The following KHDC1 variants were observed in gnomAD, a reference collection of about 807,000 sequenced individuals.
KHDC1 encodes the protein KH domain containing 1, also known as KH homology domain-containing protein 1.
KHDC1 carries 21 observed loss-of-function variants against 24.7 expected under a neutral mutation model. The observed-to-expected ratio is 0.85, with a 90% CI of 0.60 to 1.23. KHDC1 has a LOEUF of 1.23. KHDC1 is among the 50% of genes most tolerant of loss of function. The probability of loss-of-function intolerance (pLI) is 0.00; values close to 1 mark genes in which losing one functional copy is unlikely to be tolerated. For synonymous variants in KHDC1, 98 were observed against 111.7 expected (o/e 0.88, Z 0.77); for missense variants, 274 against 298.5 (o/e 0.92, Z 0.61).
intron 2 of KHDC1, among the ~76,000 whole-genome samples, chr6:73,259,327 G>T (rs189927171): frequency 8.3e-6 from 1 of 119,900 alleles, no homozygotes; most frequent in Non-Finnish European, 1.6e-5. Flanking sequence ...TCGCTCTGTC[G>T]CCCAGGCTGG....
intron 1 of KHDC1, among the ~76,000 whole-genome samples, chr6:73,297,150 C>T (rs144052772): frequency 6.6e-6 from 1 of 152,254 alleles, no homozygotes; most frequent in African/African-American, 2.4e-5. Context: ...ATAGGCCCAC[C>T]TCGGCCTCCC....
chr6:73,300,025 AATAAC>A (rs1260595537), intron 1 of KHDC1: 5 of 152,194 alleles, frequency 3.3e-5, no homozygotes, highest in Non-Finnish European at 7.3e-5. Flanking sequence ...CCTGGCGTTA[AATAAC>A]ATCCCTTTGC....
intron 2 of KHDC1, among the ~76,000 whole-genome samples, chr6:73,247,618 G>A (rs1490607016): frequency 6.6e-6 from 1 of 152,168 alleles, no homozygotes; most frequent in African/African-American, 2.4e-5. Context: ...CACTTTGGGA[G>A]GCTGAGGCAG....
At chr6:73,246,710 TA>T (rs1362211815) in intron 2 of KHDC1, among the ~76,000 whole-genome samples, 1 of 152,184 alleles carries the variant, frequency 6.6e-6, no homozygotes, top group Non-Finnish European at 1.5e-5. Flanking sequence ...ACAAATAACC[TA>T]AAAAAATTTT....
chr6:73,290,008 G>A (rs2150721998), intron 2 of KHDC1, among the ~76,000 whole-genome samples: 1 of 149,514 alleles, frequency 6.7e-6, no homozygotes, highest in Non-Finnish European at 1.5e-5. Context: ...GCTGAGGCAG[G>A]AGAATGGCGT....
chr6:73,265,907 C>T (rs1228619324), intron 2 of KHDC1, among the ~76,000 whole-genome samples: 2 of 152,014 alleles, frequency 1.3e-5, no homozygotes, highest in Admixed American at 6.6e-5. Flanking sequence ...GGCAACATGG[C>T]GAGATCCCTT....
At chr6:73,272,085 A>C (rs1582568043) in intron 2 of KHDC1, among the ~76,000 whole-genome samples, 3 of 151,762 alleles carry the variant, frequency 2.0e-5, no homozygotes, top group Admixed American at 2.0e-4. Flanking sequence ...ATAGAAAAGC[A>C]CAATTTGTCT....
rs545005453 is a variant in KHDC1 at position 73,286,726 on chromosome 6, C to T, written c.206+5272G>A. ...GTGAAACCCTGTCTCTACTAAAAAT[C>T]GTGAAAATTAGCTGGGCATGGTAGC... On this transcript the variant is annotated intron_variant, in intron 2 of 4. Coordinates refer to ENST00000370384, the Ensembl canonical transcript of KHDC1. Among the ~76,000 whole-genome samples the T allele has an allele frequency of 4.8e-4, 73 of 151,982 alleles. 1 individual carries two copies. The highest frequency in any genetic ancestry group is 1.7e-3 in the African/African-American group (72 of 41,470).
intron 2 of KHDC1, chr6:73,263,046 GGCGGCGGCGGCGGCGGCGGCGGCA>G (rs1241500823): frequency 1.0e-4 from 94 of 928,108 alleles, no homozygotes; most frequent in African/African-American, 2.5e-4. Flanking sequence ...GTAGGGCGGC[GGCGGCGGCGGCGGCGGCGGCGGCA>G]GCGGCGGCAG....
intron 2 of KHDC1, among the ~76,000 whole-genome samples, chr6:73,244,402 T>C (rs1035122093): frequency 5.9e-5 from 9 of 152,244 alleles, no homozygotes; most frequent in Middle Eastern, 3.4e-3. Flanking sequence ...CATACATTAA[T>C]GCAATAATGT....
At chr6:73,280,302 C>G (rs990439503) in intron 2 of KHDC1, among the ~76,000 whole-genome samples, 1 of 152,030 alleles carries the variant, frequency 6.6e-6, no homozygotes, top group African/African-American at 2.4e-5. Context: ...GAACCACAGG[C>G]ATGCACCACC....
chr6:73,294,557 CT>C (rs1204435648), intron 1 of KHDC1, among the ~76,000 whole-genome samples: 4 of 152,136 alleles, frequency 2.6e-5, no homozygotes, highest in African/African-American at 9.7e-5. Flanking sequence ...TTAATCATAA[CT>C]CTTAATATTC....
At chr6:73,259,038 A>C (rs1465665721) in intron 2 of KHDC1, among the ~76,000 whole-genome samples, 2 of 152,154 alleles carry the variant, frequency 1.3e-5, no homozygotes, top group African/African-American at 4.8e-5. Context: ...TTTTTAATAG[A>C]ATCTGCTGCT....
intron 2 of KHDC1, among the ~76,000 whole-genome samples, chr6:73,246,701 CAAAT>C (rs1170700257): frequency 6.6e-6 from 1 of 152,086 alleles, no homozygotes; most frequent in Non-Finnish European, 1.5e-5. Flanking sequence ...CATTTTATTA[CAAAT>C]AACCTAAAAA....
At chr6:73,302,275 C>A (rs562383795) in intron 1 of KHDC1, among the ~76,000 whole-genome samples, 2 of 152,008 alleles carry the variant, frequency 1.3e-5, no homozygotes, top group East Asian at 3.9e-4. Flanking sequence ...AGCAACAGAG[C>A]GAGACTCTGT....
chr6:73,254,465 T>C, intron 2 of KHDC1, among the ~76,000 whole-genome samples: 1 of 91,578 alleles, frequency 1.1e-5, no homozygotes, highest in Non-Finnish European at 2.2e-5. Context: ...TGTCTTAAAA[T>C]AAAAATAAAT....
Position 73,271,966 on chromosome 6 carries a change from G to A in KHDC1, c.206+20032C>T, listed in dbSNP as rs1231653739. Among the ~76,000 whole-genome samples, 4 of 151,436 alleles carry A rather than the reference G, an allele frequency of 2.6e-5. No homozygotes were observed. In the East Asian group the frequency reaches 7.8e-4, roughly 30 times the overall value. ...GGGGATGTCCTTGGTACATATGGAT[G>A]TGGACTGAAAAATCAACTCTTTATA... On this transcript the variant is annotated intron_variant, in intron 2 of 4. Coordinates refer to ENST00000370384, the Ensembl canonical transcript of KHDC1.
intron 2 of KHDC1, among the ~76,000 whole-genome samples, chr6:73,254,183 G>T (rs1290648550): frequency 1.3e-5 from 2 of 152,102 alleles, no homozygotes; most frequent in South Asian, 2.1e-4. Context: ...ATTCAAGCTG[G>T]GCACAGTGGC....
chr6:73,287,773 G>A (rs967634839), intron 2 of KHDC1, among the ~76,000 whole-genome samples: 1 of 152,174 alleles, frequency 6.6e-6, no homozygotes, highest in African/African-American at 2.4e-5. Flanking sequence ...TCCTCTTAGA[G>A]GGAGGACATA....
Sources: gnomAD v4.1 joint callset for allele counts (sites outside exome capture counted in the v4.1 genomes callset) on GRCh38, gnomAD v4.1.1 for gene constraint, MANE v1.5 for transcripts, NCBI Gene and HGNC (gene_info 2026-07-23, HGNC 2026-07-21) for gene names.